The following SHISA6 variants were observed in gnomAD, a reference collection of about 807,000 sequenced individuals.
SHISA6 encodes the protein protein shisa-6.
Under a neutral mutation model 47.9 loss-of-function variants are expected in SHISA6, and 22 were observed. That is an observed-to-expected ratio of 0.46 (90% confidence interval 0.33 to 0.66). The LOEUF (loss-of-function observed/expected upper bound fraction) is 0.66, where lower values mean the gene tolerates loss of function less well. Ranked by LOEUF, SHISA6 falls within the 30% of genes least tolerant of loss-of-function variation. SHISA6 has a pLI of 0.02. For missense variants in SHISA6, 680 were observed against 764.6 expected (o/e 0.89, Z 1.30); for synonymous variants, 388 against 337.8 (o/e 1.15, Z -1.63).
intron 3 of SHISA6, among the ~76,000 whole-genome samples, chr17:11,445,303 G>A (rs1915199162): frequency 6.6e-6 from 1 of 152,072 alleles, no homozygotes; most frequent in African/African-American, 2.4e-5. Flanking sequence ...TCACCTTGAG[G>A]TTTAGAATGG....
At chr17:11,458,083 TA>T (rs56304029) in intron 3 of SHISA6, among the ~76,000 whole-genome samples, 3,135 of 114,474 alleles carry the variant, frequency 0.027, 95 homozygotes, top group African/African-American at 0.075. Flanking sequence ...AGACTCTGTC[TA>T]AAAAAAAAAA....
intron 3 of SHISA6, among the ~76,000 whole-genome samples, chr17:11,525,017 G>A (rs1273580597): frequency 6.6e-6 from 1 of 152,106 alleles, no homozygotes; most frequent in Non-Finnish European, 1.5e-5. Flanking sequence ...AGGGTTTTGT[G>A]GTTACAAGTT....
chr17:11,461,020 C>A (rs1915676318), intron 3 of SHISA6, among the ~76,000 whole-genome samples: 1 of 152,158 alleles, frequency 6.6e-6, no homozygotes, highest in South Asian at 2.1e-4. Context: ...TAGTTTCTGT[C>A]TTCCTGAGGA....
intron 3 of SHISA6, among the ~76,000 whole-genome samples, chr17:11,505,456 C>G (rs2142350455): frequency 6.6e-6 from 1 of 152,342 alleles, no homozygotes; most frequent in South Asian, 2.1e-4. Flanking sequence ...CCCACAGTGC[C>G]TCTCTGTTCT....
chr17:11,505,929 G>T (rs1362885312), intron 3 of SHISA6, among the ~76,000 whole-genome samples: 1 of 152,162 alleles, frequency 6.6e-6, no homozygotes, highest in Non-Finnish European at 1.5e-5. Context: ...TATTGGAATA[G>T]CAGTAGAATG....
intron 2 of SHISA6, among the ~76,000 whole-genome samples, chr17:11,347,199 A>G (rs1911729343): frequency 6.6e-6 from 1 of 152,148 alleles, no homozygotes; most frequent in South Asian, 2.1e-4. Context: ...GAGGGAAAAA[A>G]AAAAAGGATA....
intron 3 of SHISA6, among the ~76,000 whole-genome samples, chr17:11,435,593 A>C (rs1439222614): frequency 6.6e-6 from 1 of 152,156 alleles, no homozygotes; most frequent in Non-Finnish European, 1.5e-5. Context: ...ATCCTTGGAC[A>C]CCCCCAAATG....
At position 11,561,173 on chromosome 17, in the gene SHISA6, G is replaced by C. The variant is rs1043959083; in HGVS notation, c.*2869G>C. The C allele has an allele frequency of 1.3e-5, 2 of 152,186 alleles. No homozygotes were observed. Among genetic ancestry groups the C allele is most frequent in the African/African-American group, 4.8e-5 (2 of 41,430 alleles). 9.4% of individuals were successfully genotyped at this position (152,186 alleles called of 1,614,324 possible). ...GATGCCATGATTTCTAGCCCAACCA[G>C]GCTGGTGGCCTCTACCATACATAGA... On this transcript the variant is annotated 3_prime_UTR_variant, in exon 6 of 6. Coordinates refer to ENST00000441885, the MANE Select transcript of SHISA6 (RefSeq NM_207386.4).
At chr17:11,339,189 C>T (rs1911435248) in intron 2 of SHISA6, among the ~76,000 whole-genome samples, 2 of 149,456 alleles carry the variant, frequency 1.3e-5, no homozygotes, top group South Asian at 2.1e-4. Flanking sequence ...AAGAAAACCA[C>T]GAGGCCACTA....
intron 2 of SHISA6, among the ~76,000 whole-genome samples, chr17:11,330,687 A>G (rs925319650): frequency 8.5e-5 from 13 of 152,214 alleles, no homozygotes; most frequent in Admixed American, 6.5e-4. Context: ...GTAAGTAAAA[A>G]GATCCATGCG....
chr17:11,275,426 C>G (rs1908852685), intron 2 of SHISA6, among the ~76,000 whole-genome samples: 2 of 152,146 alleles, frequency 1.3e-5, no homozygotes, highest in Non-Finnish European at 2.9e-5. Flanking sequence ...ACTCCAGATT[C>G]ATTGATTCCT....
chr17:11,303,050 C>T lies in SHISA6; in HGVS notation c.799+39524C>T, dbSNP rs186535311. The stretch of plus-strand genomic sequence containing the variant: ...CTGAGTAGTGTGATGACGCCCCCAA[C>T]CCAGTGCAGTGCAGTGCAGTGAGCA... On this transcript the variant is annotated intron_variant, in intron 2 of 5. Transcript: ENST00000441885. Among the ~76,000 whole-genome samples, 11 of 151,276 alleles carry T rather than the reference C, an allele frequency of 7.3e-5. No homozygotes were observed. The East Asian group carries it at 2.1e-3, about 29-fold the overall frequency.
chr17:11,269,230 C>T (rs1481880237), intron 2 of SHISA6, among the ~76,000 whole-genome samples: 11 of 152,048 alleles, frequency 7.2e-5, no homozygotes, highest in African/African-American at 2.2e-4. Flanking sequence ...TTAGTAGAGA[C>T]GAAGTTTCAC....
rs577572871 is a variant in SHISA6, at chr17:11,499,357, T to C, written c.896-52539T>C. Reference sequence around the variant, plus strand: ...GACTATAAAGCACCATTATCCCCTTTCAGGACGTTTTATCCTCTATGAAGC... The same window carrying C: ...GACTATAAAGCACCATTATCCCCTTCCAGGACGTTTTATCCTCTATGAAGC... On this transcript the variant is annotated intron_variant, in intron 3 of 5. Transcript: ENST00000441885. 2.0e-5 allele frequency among the ~76,000 whole-genome samples: 3 copies of C among 152,258 alleles called. No individual in the cohort carries two copies. In the South Asian group the frequency reaches 6.2e-4, roughly 32 times the overall value.
intron 3 of SHISA6, among the ~76,000 whole-genome samples, chr17:11,498,245 T>C (rs1597552243): frequency 2.0e-5 from 3 of 152,310 alleles, no homozygotes; most frequent in East Asian, 1.9e-4. Context: ...TCCTGATGTA[T>C]CTTGCACCTT....
At chr17:11,345,353 C>T (rs1328572537) in intron 2 of SHISA6, among the ~76,000 whole-genome samples, 1 of 152,068 alleles carries the variant, frequency 6.6e-6, no homozygotes, top group African/African-American at 2.4e-5. Context: ...ACTTTTAGAT[C>T]TGTCTTTGCT....
At chr17:11,277,280 T>TCTCTCTCTCTCTCTCTCA (rs1386997909) in intron 2 of SHISA6, among the ~76,000 whole-genome samples, 33 of 53,926 alleles carry the variant, frequency 6.1e-4, no homozygotes, top group South Asian at 2.2e-3. Flanking sequence ...TCTCTCTCTC[T>TCTCTCTCTCTCTCTCTCA]CACACACACA....
chr17:11,396,443 A>T (rs1316909016), intron 3 of SHISA6, among the ~76,000 whole-genome samples: 2 of 152,232 alleles, frequency 1.3e-5, no homozygotes, highest in East Asian at 3.8e-4. Context: ...GTGCTGCAAT[A>T]AACGTACGTG....
At chr17:11,388,789 T>TC in intron 3 of SHISA6, among the ~76,000 whole-genome samples, 1 of 61,698 alleles carries the variant, frequency 1.6e-5, no homozygotes, top group South Asian at 6.2e-4. Flanking sequence ...CAAACAAAAG[T>TC]TTATATATAT....
Sources: gnomAD v4.1 joint callset for allele counts (sites outside exome capture counted in the v4.1 genomes callset) on GRCh38, gnomAD v4.1.1 for gene constraint, MANE v1.5 for transcripts, NCBI Gene and HGNC (gene_info 2026-07-23, HGNC 2026-07-21) for gene names.